TAAR5: variants seen among roughly 807,000 people sequenced by gnomAD.
TAAR5 encodes the protein trace amine-associated receptor 5.
Under a neutral mutation model 21.1 loss-of-function variants are expected in TAAR5, and 27 were observed. The observed-to-expected ratio is 1.28, with a 90% confidence interval of 0.94 to 1.76. The LOEUF is 1.76. TAAR5 is among the 40% of genes most tolerant of loss of function. The pLI is 0.00. For synonymous variants in TAAR5, 203 were observed against 167.5 expected (o/e 1.21, Z -1.64); for missense variants, 495 against 405.6 (o/e 1.22, Z -1.89).
upstream of TAAR5, among the ~76,000 whole-genome samples, chr6:132,591,447 C>A (rs1425021106): frequency 1.3e-5 from 2 of 152,206 alleles, no homozygotes; most frequent in Non-Finnish European, 2.9e-5. Context: ...CCTTTCTCTA[C>A]AAATCCATGG....
chr6:132,608,562 C>G, the TAAR5 span: 1 of 455,790 alleles, frequency 2.2e-6, no homozygotes, highest in East Asian at 6.9e-5. Flanking sequence ...TCACTGCCCC[C>G]TTTGTGTTTT....
Position 132,588,757 on chromosome 6 carries a change from C to A in TAAR5, c.930G>T (p.Gln310His). ...CNPIIYVFSY[Q>H]WFRKALKLTL... ...TGAGTTTCAGTGCCTTCCGAAACCA[C>A]TGGTAGGAAAAGACATAGATGATGG... Residue 310 changes from glutamine to histidine, a missense_variant, in exon 1 of 1, where the codon CAG becomes CAT. By Grantham distance (24) the Gln-to-His change is conservative. Transcript: ENST00000258034. 6.2e-7 allele frequency: 1 copy of A among 1,614,066 alleles called. No homozygotes were observed. The highest frequency in any genetic ancestry group is 8.5e-7 in the Non-Finnish European group (1 of 1,180,004).
rs200042403 is a variant in TAAR5 at position 132,588,939 on chromosome 6, C to A, written c.748G>T (p.Ala250Ser). 6.2e-7 allele frequency: 1 copy of A among 1,614,096 alleles called. No individual in the cohort carries two copies. The highest frequency in any genetic ancestry group is 1.3e-5 in the African/African-American group (1 of 75,040). Residue 250 changes from alanine (A) to serine (S), a missense_variant, in exon 1 of 1, where the codon GCT becomes TCT. By Grantham distance (99) the Ala-to-Ser change is moderately conservative. Transcript: ENST00000258034. ...ACAGCAATGCCCAGGGTCTTGGCAG[C>A]TTTTCTCTCATGCTTGGCAGCCCCA... ...LAGAAKHERKAAKTLGIAVGI... is the reference protein window; with the variant it reads ...LAGAAKHERKSAKTLGIAVGI...
chr6:132,602,729 C>G, the TAAR5 span, among the ~76,000 whole-genome samples: 3 of 104,520 alleles, frequency 2.9e-5, no homozygotes, highest in African/African-American at 1.2e-4. Flanking sequence ...TGACAATGTA[C>G]AAGTAAAAAC....
At chr6:132,606,134 T>C in the TAAR5 span, among the ~76,000 whole-genome samples, 1 of 152,144 alleles carries the variant, frequency 6.6e-6, no homozygotes, top group African/African-American at 2.4e-5. Flanking sequence ...AAGCATTGAA[T>C]AAAACTACCT....
chr6:132,612,677 T>C, the TAAR5 span, among the ~76,000 whole-genome samples: 3 of 152,108 alleles, frequency 2.0e-5, no homozygotes, highest in Non-Finnish European at 4.4e-5. Context: ...CCCATTAAGG[T>C]GTGAAGATGG....
the TAAR5 span, among the ~76,000 whole-genome samples, chr6:132,599,323 C>CTTTTTTTTTTT: frequency 2.0e-5 from 2 of 98,492 alleles, no homozygotes; most frequent in Non-Finnish European, 2.0e-5. Context: ...CTTTTCTTTT[C>CTTTTTTTTTTT]TTTTTTTTTT....
chr6:132,613,710 A>T, the TAAR5 span, among the ~76,000 whole-genome samples: 1 of 152,212 alleles, frequency 6.6e-6, no homozygotes, highest in Non-Finnish European at 1.5e-5. Flanking sequence ...TTTTAGTAGG[A>T]GGCAGAGATG....
chr6:132,607,012 A>T, the TAAR5 span, among the ~76,000 whole-genome samples: 14 of 152,044 alleles, frequency 9.2e-5, no homozygotes, highest in African/African-American at 3.4e-4. Flanking sequence ...CCTGGACAAC[A>T]TGACGAAACC....
upstream of TAAR5, among the ~76,000 whole-genome samples, chr6:132,590,895 T>C (rs9493389): frequency 0.63 from 96,491 of 151,978 alleles, 30,812 homozygotes; most frequent in South Asian, 0.68. Flanking sequence ...TTTCTTATTT[T>C]TCTTCTGCTT....
chr6:132,594,994 G>C, the TAAR5 span: 1 of 152,202 alleles, frequency 6.6e-6, no homozygotes, highest in African/African-American at 2.4e-5. Flanking sequence ...TTCTATGACA[G>C]GGATGGTAAT....
the TAAR5 span, among the ~76,000 whole-genome samples, chr6:132,607,718 G>T: frequency 6.6e-6 from 1 of 152,188 alleles, no homozygotes; most frequent in Admixed American, 6.6e-5. Context: ...AAAGGTATCA[G>T]AAAATAACTG....
chr6:132,615,571 C>A, the TAAR5 span, among the ~76,000 whole-genome samples: 1 of 151,718 alleles, frequency 6.6e-6, no homozygotes, highest in African/African-American at 2.4e-5. Flanking sequence ...CTGTAACTTA[C>A]TACAAAATTC....
At chr6:132,592,984 C>T (rs1481994984), upstream of TAAR5, among the ~76,000 whole-genome samples, 1 of 152,138 alleles carries the variant, frequency 6.6e-6, no homozygotes, top group African/African-American at 2.4e-5. Flanking sequence ...CAGACTTTGC[C>T]ATATGCCCTG....
the TAAR5 span, among the ~76,000 whole-genome samples, chr6:132,615,877 A>AACAC: frequency 4.9e-3 from 712 of 145,236 alleles, 4 homozygotes; most frequent in East Asian, 0.017. Context: ...ACCATGTATA[A>AACAC]ACACACACAC....
chr6:132,604,772 G>C, the TAAR5 span, among the ~76,000 whole-genome samples: 198 of 152,336 alleles, frequency 1.3e-3, 1 homozygote, highest in African/African-American at 4.1e-3. Context: ...CAGCCAACCT[G>C]GGTGACTGAG....
chr6:132,600,578 A>G, the TAAR5 span, among the ~76,000 whole-genome samples: 1 of 152,170 alleles, frequency 6.6e-6, no homozygotes, highest in African/African-American at 2.4e-5. Flanking sequence ...AAGTAGGAAC[A>G]ACAAAGGTTA....
the TAAR5 span, among the ~76,000 whole-genome samples, chr6:132,604,146 C>CTT: frequency 0.055 from 6,895 of 125,916 alleles, 366 homozygotes; most frequent in African/African-American, 0.12. Context: ...TTTTTCTTTT[C>CTT]TTTTTTTTTT....
At chr6:132,613,260 A>G in the TAAR5 span, among the ~76,000 whole-genome samples, 34 of 152,208 alleles carry the variant, frequency 2.2e-4, no homozygotes, top group Admixed American at 2.0e-4. Context: ...GGAAAACTGT[A>G]TTCTAATTTC....
Sources: gnomAD v4.1 joint callset for allele counts (sites outside exome capture counted in the v4.1 genomes callset) on GRCh38, gnomAD v4.1.1 for gene constraint, MANE v1.5 for transcripts, NCBI Gene and HGNC (gene_info 2026-07-23, HGNC 2026-07-21) for gene names.